HPGDS: variants seen among roughly 807,000 people sequenced by gnomAD.
The protein encoded by HPGDS is hematopoietic prostaglandin D synthase.
A neutral mutation model predicts 23.1 loss-of-function variants in HPGDS; 26 were observed. That is an observed-to-expected ratio of 1.13 (90% confidence interval 0.83 to 1.56). The LOEUF (loss-of-function observed/expected upper bound fraction) is 1.56. Ranked by LOEUF, HPGDS falls within the 40% of genes most tolerant of loss-of-function variation. The pLI is 0.00. For synonymous variants in HPGDS, 95 were observed against 77.9 expected (o/e 1.22, Z -1.16); for missense variants, 268 against 236.4 (o/e 1.13, Z -0.88).
Position 94,340,477 on chromosome 4 carries a change from T to C in HPGDS, c.-10+2318A>G, listed in dbSNP as rs192037173. Among the ~76,000 whole-genome samples, 631 of 147,086 alleles carry C rather than the reference T, an allele frequency of 4.3e-3. 3 individuals carry two copies. The highest frequency in any genetic ancestry group is 0.015 in the African/African-American group (592 of 40,090). On this transcript the variant is annotated intron_variant, in intron 1 of 5. Transcript: ENST00000295256. ...CCTCAGCTTCCCGAGTAGCTGGGACTACAGGCACGCGCCACCACGCCCAGC... is the reference window on the plus strand; with the variant it reads ...CCTCAGCTTCCCGAGTAGCTGGGACCACAGGCACGCGCCACCACGCCCAGC...
chr4:94,312,380 C>G (rs1490470522), intron 3 of HPGDS, among the ~76,000 whole-genome samples: 1 of 152,128 alleles, frequency 6.6e-6, no homozygotes, highest in Non-Finnish European at 1.5e-5. Flanking sequence ...TTATTTCTGC[C>G]TTCATTTCGT....
chr4:94,335,633 G>C (rs1720990411), intron 1 of HPGDS, among the ~76,000 whole-genome samples: 1 of 152,006 alleles, frequency 6.6e-6, no homozygotes, highest in Non-Finnish European at 1.5e-5. Flanking sequence ...ATACATATAA[G>C]GTACGTAGCA....
chr4:94,327,786 A>G (rs1248234998), intron 2 of HPGDS, among the ~76,000 whole-genome samples: 1 of 152,178 alleles, frequency 6.6e-6, no homozygotes, highest in African/African-American at 2.4e-5. Context: ...GCACCCAGCC[A>G]CAACACTTAA....
chr4:94,328,077 G>A (rs1271266099), intron 2 of HPGDS, among the ~76,000 whole-genome samples: 1 of 152,232 alleles, frequency 6.6e-6, no homozygotes, highest in Non-Finnish European at 1.5e-5. Flanking sequence ...GCTCTCCCAT[G>A]GCTAGAATTG....
intron 5 of HPGDS, among the ~76,000 whole-genome samples, chr4:94,301,687 G>C (rs1470627609): frequency 1.3e-5 from 2 of 151,178 alleles, no homozygotes; most frequent in African/African-American, 4.9e-5. Context: ...AATAATACCA[G>C]AAAAAAAATA....
At chr4:94,341,007 A>T (rs909076312) in intron 1 of HPGDS, among the ~76,000 whole-genome samples, 10 of 151,344 alleles carry the variant, frequency 6.6e-5, no homozygotes, top group Non-Finnish European at 1.2e-4. Flanking sequence ...CACCGCGCCC[A>T]GCTAATTTTT....
rs979395713 is a variant in HPGDS, at chr4:94,319,591, C to T, written c.134-1626G>A. Among the ~76,000 whole-genome samples the T allele has an allele frequency of 2.6e-5, 4 of 152,148 alleles. No individual in the cohort carries two copies. In the South Asian group the frequency reaches 6.2e-4, roughly 24 times the overall value. On this transcript the variant is annotated intron_variant, in intron 2 of 5. Transcript: ENST00000295256. ...TAATAACTTTTGATTTTTTCTCTTTCTCATTTATGTATCTGCTCTACCAGT... is the reference window on the plus strand; with the variant it reads ...TAATAACTTTTGATTTTTTCTCTTTTTCATTTATGTATCTGCTCTACCAGT...
intron 2 of HPGDS, among the ~76,000 whole-genome samples, chr4:94,323,226 G>C (rs543509828): frequency 6.6e-6 from 1 of 152,200 alleles, no homozygotes; most frequent in Non-Finnish European, 1.5e-5. Flanking sequence ...GTGCTGAGAA[G>C]AATGTATATT....
intron 1 of HPGDS, among the ~76,000 whole-genome samples, chr4:94,337,738 A>G (rs1721053957): frequency 2.0e-5 from 3 of 152,202 alleles, no homozygotes; most frequent in Non-Finnish European, 2.9e-5. Context: ...CATTCAGTCA[A>G]TTACCACATA....
intron 2 of HPGDS, among the ~76,000 whole-genome samples, chr4:94,324,709 C>T (rs975414904): frequency 1.3e-5 from 2 of 152,170 alleles, no homozygotes; most frequent in Non-Finnish European, 2.9e-5. Context: ...CAAACATCCT[C>T]CTTTAGCTCA....
In HPGDS at chr4:94,299,489, G is replaced by T. The variant is rs759651538; in HGVS notation, c.591C>A (p.Thr197=). 11 of 1,612,016 alleles carry T rather than the reference G, an allele frequency of 6.8e-6. No homozygotes were observed. The highest frequency in any genetic ancestry group is 9.3e-6 in the Non-Finnish European group (11 of 1,178,818). Residue 197 remains threonine, a synonymous_variant, in exon 6 of 6, where the codon ACC becomes ACA. Coordinates refer to ENST00000295256, the MANE Select transcript of HPGDS (RefSeq NM_014485.3). ...VANWIKRRPQ[T]KL ...AGGCAACATGGATCAGCTAGAGTTT[G>T]GTTTGGGGCCTTCGTTTTATCCAGT...
intron 4 of HPGDS, among the ~76,000 whole-genome samples, chr4:94,303,370 A>G (rs1756081254): frequency 6.6e-6 from 1 of 152,138 alleles, no homozygotes; most frequent in Non-Finnish European, 1.5e-5. Flanking sequence ...TGGTATGCTC[A>G]ACCAGTAAGT....
At chr4:94,323,102 G>T (rs1019881035) in intron 2 of HPGDS, among the ~76,000 whole-genome samples, 1 of 152,182 alleles carries the variant, frequency 6.6e-6, no homozygotes, top group African/African-American at 2.4e-5. Context: ...CTGAGTTCTA[G>T]TTTGATTGCA....
intron 2 of HPGDS, among the ~76,000 whole-genome samples, chr4:94,322,703 C>G (rs1031628742): frequency 6.6e-6 from 1 of 151,988 alleles, no homozygotes; most frequent in Non-Finnish European, 1.5e-5. Flanking sequence ...TTGATCTTTT[C>G]AAAAAATAAG....
chr4:94,311,303 T>C (rs1756266310), intron 3 of HPGDS, among the ~76,000 whole-genome samples: 2 of 151,526 alleles, frequency 1.3e-5, no homozygotes, highest in South Asian at 4.2e-4. Context: ...TATTTTGAGA[T>C]ACGTCCCATC....
At chr4:94,340,316 T>TTC (rs1721130813) in intron 1 of HPGDS, among the ~76,000 whole-genome samples, 1 of 17,044 alleles carries the variant, frequency 5.9e-5, no homozygotes, top group African/African-American at 3.5e-4. Context: ...TTTCTCTTTT[T>TTC]TTTTTTTTTT....
At chr4:94,313,669 A>G (rs1448993583) in intron 3 of HPGDS, among the ~76,000 whole-genome samples, 1 of 152,076 alleles carries the variant, frequency 6.6e-6, no homozygotes, top group Non-Finnish European at 1.5e-5. Flanking sequence ...TATTTCCTGA[A>G]TTTGAATGTT....
rs1027943401 is a variant in HPGDS at position 94,308,889 on chromosome 4, G to A, written c.227-146C>T. 8 of 472,818 alleles carry A rather than the reference G, an allele frequency of 1.7e-5. No homozygotes were observed. The Admixed American group carries it at 2.3e-4, about 14-fold the overall frequency. 29.3% of individuals were successfully genotyped at this position (472,818 alleles called of 1,614,324 possible). A position where few individuals can be genotyped will look rare whatever the true frequency, so the allele number is the denominator to read the frequency against. ...GACTAGCTTCCATCCACCACATTTT[G>A]CTCCCTTACCTACCTACCTTACTGG... On this transcript the variant is annotated intron_variant, in intron 3 of 5. Coordinates refer to ENST00000295256, the MANE Select transcript of HPGDS (RefSeq NM_014485.3).
chr4:94,317,735 T>C (rs1756425523), intron 3 of HPGDS, 138 bp downstream of exon 3: 1 of 526,602 alleles, frequency 1.9e-6, no homozygotes, highest in Non-Finnish European at 3.3e-6. Flanking sequence ...ACAGGTGGTA[T>C]ATTTATACTT....
Sources: allele counts gnomAD v4.1 joint callset (sites outside exome capture counted in the v4.1 genomes callset), GRCh38; gene constraint gnomAD v4.1.1; transcripts MANE v1.5; gene names NCBI Gene and HGNC (gene_info 2026-07-23, HGNC 2026-07-21).